GRM8: variants seen among roughly 807,000 people sequenced by gnomAD.
GRM8 encodes metabotropic glutamate receptor 8.
Under a neutral mutation model 87.2 loss-of-function variants are expected in GRM8, and 47 were observed. The ratio of observed to expected loss-of-function variants is 0.54; its 90% CI spans 0.43 to 0.69. The LOEUF is 0.69. Ranked by LOEUF, GRM8 falls within the 30% of genes least tolerant of loss-of-function variation. GRM8 has a pLI of 0.00. For synonymous variants in GRM8, 396 were observed against 404.5 expected (o/e 0.98, Z 0.25); for missense variants, 1,019 against 1,139.2 (o/e 0.89, Z 1.52).
chr7:126,756,062 C>A (rs1051209459), intron 7 of GRM8, among the ~76,000 whole-genome samples: 1 of 151,882 alleles, frequency 6.6e-6, no homozygotes, highest in African/African-American at 2.4e-5. Context: ...CATACACACA[C>A]AATTCTGACT....
chr7:126,640,598 A>G (rs1438841012), intron 7 of GRM8, among the ~76,000 whole-genome samples: 1 of 151,964 alleles, frequency 6.6e-6, no homozygotes, highest in Non-Finnish European at 1.5e-5. Context: ...GGGTGGGTGC[A>G]TATATATTTT....
chr7:126,964,477 C>A (rs550316586), intron 3 of GRM8, among the ~76,000 whole-genome samples: 1 of 152,094 alleles, frequency 6.6e-6, no homozygotes, highest in Non-Finnish European at 1.5e-5. Flanking sequence ...AAACAAGCAA[C>A]CCCTTCAAAA....
At position 126,598,987 on chromosome 7, in the gene GRM8, G is replaced by A. The variant is rs1450094386; in HGVS notation, c.1494+10375C>T. On this transcript the variant is annotated intron_variant, in intron 8 of 10. Coordinates refer to ENST00000339582, the MANE Select transcript of GRM8 (RefSeq NM_000845.3). ...ATCTAGGTATGAAAACCTAGACAAC[G>A]TCCTCATCTGTATTATTGTACTTAA... is the stretch of plus-strand genomic sequence containing the variant. Among the ~76,000 whole-genome samples, 8 of 151,978 alleles carry A rather than the reference G, an allele frequency of 5.3e-5. 1 individual carries two copies. Among genetic ancestry groups the A allele is most frequent in the African/African-American group, 1.5e-4 (6 of 41,374 alleles).
chr7:126,867,663 A>G (rs1254319610), intron 6 of GRM8, among the ~76,000 whole-genome samples: 2 of 152,196 alleles, frequency 1.3e-5, no homozygotes, highest in South Asian at 2.1e-4. Context: ...AAAAAATAAC[A>G]ATAATGCCAA....
chr7:127,087,312 G>A (rs933096354), intron 3 of GRM8, among the ~76,000 whole-genome samples: 1 of 152,306 alleles, frequency 6.6e-6, no homozygotes, highest in African/African-American at 2.4e-5. Context: ...TAACTGAAAT[G>A]AGACTTTTCA....
At chr7:126,917,248 T>C (rs1269403263) in intron 3 of GRM8, among the ~76,000 whole-genome samples, 1 of 152,098 alleles carries the variant, frequency 6.6e-6, no homozygotes, top group Non-Finnish European at 1.5e-5. Context: ...AGTGCTGGGA[T>C]TACAGGTGGA....
intron 7 of GRM8, among the ~76,000 whole-genome samples, chr7:126,655,471 T>TTCTC (rs150555462): frequency 0.3 from 44,778 of 150,398 alleles, 7,202 homozygotes; most frequent in East Asian, 0.42. Flanking sequence ...ATTATGGTCT[T>TTCTC]TCTCTCTCTC....
chr7:126,713,564 G>A (rs1262126990), intron 7 of GRM8, among the ~76,000 whole-genome samples: 1 of 142,608 alleles, frequency 7.0e-6, no homozygotes, highest in African/African-American at 2.6e-5. Flanking sequence ...GTATACTTAT[G>A]TAACAAACAT....
chr7:126,812,122 A>T (rs1793358282), intron 6 of GRM8, among the ~76,000 whole-genome samples: 2 of 152,092 alleles, frequency 1.3e-5, no homozygotes, highest in Non-Finnish European at 2.9e-5. Flanking sequence ...CCATAAATTT[A>T]TACAAATAGC....
chr7:126,690,359 G>T (rs1808669650), intron 7 of GRM8, among the ~76,000 whole-genome samples: 1 of 152,232 alleles, frequency 6.6e-6, no homozygotes, highest in Non-Finnish European at 1.5e-5. Context: ...GCTGGCTGTG[G>T]CGGGGTGGGC....
At chr7:126,795,544 C>T (rs1821859829) in intron 6 of GRM8, among the ~76,000 whole-genome samples, 1 of 152,098 alleles carries the variant, frequency 6.6e-6, no homozygotes, top group South Asian at 2.1e-4. Context: ...TTGGCTTCTA[C>T]AGTCACAAAT....
At chr7:126,812,107 G>A (rs1038712961) in intron 6 of GRM8, among the ~76,000 whole-genome samples, 3 of 151,746 alleles carry the variant, frequency 2.0e-5, no homozygotes, top group Admixed American at 2.0e-4. Context: ...AATTACACTT[G>A]TACCCCATAA....
At position 127,161,683 on chromosome 7, in the gene GRM8, C is replaced by CA. The variant is rs1296534290; in HGVS notation, c.511-54972dup. Among the ~76,000 whole-genome samples, 5 of 151,914 alleles carry CA rather than the reference C, an allele frequency of 3.3e-5. No individual in the cohort carries two copies. In the East Asian group the frequency reaches 7.7e-4, roughly 24 times the overall value. On this transcript the variant is annotated intron_variant, in intron 2 of 10. Coordinates refer to ENST00000339582, the MANE Select transcript of GRM8 (RefSeq NM_000845.3). Reference sequence around the variant, plus strand: ...CTTTACTTGAATGCACTTTTTCTACCAAAAAAACTATTAAATAACTAATTT... The same window carrying CA: ...CTTTACTTGAATGCACTTTTTCTACCAAAAAAAACTATTAAATAACTAATTT...
chr7:126,777,638 A>C (rs1819624834), intron 6 of GRM8, among the ~76,000 whole-genome samples: 1 of 152,212 alleles, frequency 6.6e-6, no homozygotes, highest in South Asian at 2.1e-4. Flanking sequence ...ATAGTGTAGT[A>C]GGAGTCAAAA....
intron 3 of GRM8, among the ~76,000 whole-genome samples, chr7:126,936,869 G>A (rs1806390397): frequency 6.6e-6 from 1 of 151,986 alleles, no homozygotes; most frequent in Non-Finnish European, 1.5e-5. Flanking sequence ...GAGACCATTG[G>A]GTAAAAAAGA....
intron 2 of GRM8, among the ~76,000 whole-genome samples, chr7:127,178,119 G>A (rs1563560697): frequency 6.6e-6 from 1 of 152,028 alleles, no homozygotes. Context: ...GAACTGAAGG[G>A]AAAATTATTC....
intron 3 of GRM8, among the ~76,000 whole-genome samples, chr7:126,910,361 C>T (rs1430632074): frequency 6.6e-6 from 1 of 151,960 alleles, no homozygotes; most frequent in South Asian, 2.1e-4. Flanking sequence ...TATCAGTATA[C>T]CCCAACATGT....
At chr7:126,892,630 A>G (rs1801161248) in intron 6 of GRM8, among the ~76,000 whole-genome samples, 1 of 152,072 alleles carries the variant, frequency 6.6e-6, no homozygotes, top group South Asian at 2.1e-4. Context: ...AGCATGATTT[A>G]TAGTCCTTTG....
intron 8 of GRM8, among the ~76,000 whole-genome samples, chr7:126,604,900 G>A (rs1464701005): frequency 6.6e-6 from 1 of 152,034 alleles, no homozygotes; most frequent in African/African-American, 2.4e-5. Flanking sequence ...ATTACACTCT[G>A]CCACTAATAA....
Sources: allele counts gnomAD v4.1 joint callset (sites outside exome capture counted in the v4.1 genomes callset), GRCh38; gene constraint gnomAD v4.1.1; transcripts MANE v1.5; gene names NCBI Gene and HGNC (gene_info 2026-07-23, HGNC 2026-07-21).